The following GARS1 variants were observed in gnomAD, a reference collection of about 807,000 sequenced individuals.
The protein encoded by GARS1 is glycyl-tRNA synthetase 1.
A neutral mutation model predicts 86.4 loss-of-function variants in GARS1; 46 were observed. That is an observed-to-expected ratio of 0.53 (90% CI 0.42 to 0.68). GARS1 has a LOEUF of 0.68. GARS1 is among the 30% of genes least tolerant of loss of function. The pLI is 0.00. For missense variants in GARS1, 797 were observed against 915.6 expected, an observed-to-expected ratio of 0.87 and a Z score of 1.67; for synonymous variants, 342 against 329.8, an observed-to-expected ratio of 1.04 and a Z score of -0.40.
At chr7:30,603,876 T>C (rs1319607526) in intron 6 of GARS1, among the ~76,000 whole-genome samples, 1 of 152,214 alleles carries the variant, frequency 6.6e-6, no homozygotes, top group African/African-American at 2.4e-5. Flanking sequence ...TGATGGGTAG[T>C]GTTCAGCACT....
chr7:30,603,474 T>C (rs1287622182), intron 5 of GARS1, 22 bp from the exon 6 acceptor site: 2 of 1,588,520 alleles, frequency 1.3e-6, no homozygotes, highest in South Asian at 1.1e-5. Flanking sequence ...TTGATTGATA[T>C]ATGTCAACAC....
chr7:30,604,253 A>G (rs984489367), intron 6 of GARS1, among the ~76,000 whole-genome samples: 1 of 152,174 alleles, frequency 6.6e-6, no homozygotes, highest in African/African-American at 2.4e-5. Context: ...GTGCTCATGT[A>G]TATATGTTGC....
intron 1 of GARS1, among the ~76,000 whole-genome samples, chr7:30,597,405 G>A (rs1791274285): frequency 6.6e-6 from 1 of 152,168 alleles, no homozygotes; most frequent in African/African-American, 2.4e-5. Context: ...TAGTATCAAA[G>A]AATATCCACA....
chr7:30,599,028 C>T lies in GARS1; in HGVS notation c.324+131C>T. The T allele has an allele frequency of 5.5e-6, 4 of 732,624 alleles. No homozygotes were observed. The South Asian group carries it at 6.0e-5, about 11-fold the overall frequency. The allele number at this position is 732,624 out of a possible 1,614,324, so 45.4% of individuals were successfully genotyped here. ...TTGGTTTATCTGTTTATCCATAATG[C>T]CGCCTTCTCCTTTCCCTCTACCTGG... On this transcript the variant is annotated intron_variant, in intron 2 of 16. Transcript: ENST00000389266.
intron 8 of GARS1, among the ~76,000 whole-genome samples, chr7:30,614,549 A>G (rs573134285): frequency 5.8e-4 from 88 of 152,316 alleles, no homozygotes; most frequent in Middle Eastern, 3.4e-3. Flanking sequence ...GCAGGACCAA[A>G]TAAGAGACAC....
At chr7:30,620,705 C>G (rs1019352412) in intron 10 of GARS1, among the ~76,000 whole-genome samples, 1 of 152,160 alleles carries the variant, frequency 6.6e-6, no homozygotes, top group Admixed American at 6.5e-5. Flanking sequence ...GTGACCTGAA[C>G]TTTACCCACT....
chr7:30,617,754 A>G (rs1354200466), intron 10 of GARS1, among the ~76,000 whole-genome samples: 2 of 152,204 alleles, frequency 1.3e-5, no homozygotes, highest in Non-Finnish European at 2.9e-5. Context: ...TTATGTATTT[A>G]ACTCAAAATT....
intron 8 of GARS1, among the ~76,000 whole-genome samples, 165 bp downstream of exon 8, chr7:30,612,410 C>G (rs943789851): frequency 3.9e-5 from 6 of 152,080 alleles, no homozygotes; most frequent in Middle Eastern, 3.2e-3. Flanking sequence ...AATGTAATCT[C>G]CAGGATGACA....
Position 30,617,252 on chromosome 7 carries a change from T to C in GARS1, c.1333T>C (p.Trp445Arg). 1 of 1,613,950 alleles carries C rather than the reference T, an allele frequency of 6.2e-7. No homozygotes were observed. Among genetic ancestry groups the C allele is most frequent in the East Asian group, 2.2e-5 (1 of 44,880 alleles). ...NEMAHYACDC[W>R]DAESKTSYGW... ...GATGGCCCATTATGCCTGTGACTGT[T>C]GGGATGCAGAATCCAAAACATCCTA... The change falls in exon 10 of 17, where the codon TGG becomes CGG. Residue 445 changes from tryptophan (W) to arginine (R), a missense_variant. Physicochemically the swap from Trp to Arg is moderately radical, Grantham distance 101. Around this residue, in one of 2 missense-constraint regions of GARS1, gnomAD observed 598 missense variants for 738.7 expected, o/e 0.81. Transcript: ENST00000389266.
intron 6 of GARS1, among the ~76,000 whole-genome samples, chr7:30,603,900 C>T (rs1026330600): frequency 2.0e-5 from 3 of 152,086 alleles, no homozygotes; most frequent in Non-Finnish European, 2.9e-5. Context: ...GTGGAGACTT[C>T]GGGGCAGATA....
intron 12 of GARS1, among the ~76,000 whole-genome samples, chr7:30,624,018 G>A (rs758438396): frequency 4.6e-5 from 7 of 152,258 alleles, no homozygotes; most frequent in South Asian, 2.1e-4. Flanking sequence ...TTCAACCTGC[G>A]GCCTGCAGGC....
Position 30,631,482 on chromosome 7 carries a change from A to G in GARS1, c.1844A>G (p.Lys615Arg), listed in dbSNP as rs1297164565. Reference sequence around the variant, plus strand: ...TTCCCTGCTGTAGTTGCTCCATTCAAATGTTCCGTCCTCCCACTGAGCCAA... The same window carrying G: ...TTCCCTGCTGTAGTTGCTCCATTCAGATGTTCCGTCCTCCCACTGAGCCAA... ...FSFPAVVAPF[K>R]CSVLPLSQNQ... Residue 615 changes from lysine to arginine, a missense_variant, in exon 15 of 17, where the codon AAA (lysine) becomes AGA (arginine). Lys to Arg is a conservative substitution (Grantham distance 26, BLOSUM62 2). Around this residue, in one of 2 missense-constraint regions of GARS1, gnomAD observed 598 missense variants for 738.7 expected, o/e 0.81. Coordinates refer to ENST00000389266, the MANE Select transcript of GARS1 (RefSeq NM_002047.4). 2.5e-6 allele frequency: 4 copies of G among 1,613,740 alleles called. No homozygotes were observed. Among genetic ancestry groups the G allele is most frequent in the Non-Finnish European group, 3.4e-6 (4 of 1,179,780 alleles).
intron 7 of GARS1, among the ~76,000 whole-genome samples, chr7:30,611,416 C>T (rs1791595038): frequency 6.6e-6 from 1 of 152,226 alleles, no homozygotes; most frequent in South Asian, 2.1e-4. Context: ...AGATTGTCAT[C>T]TGCCTCCATG....
chr7:30,627,482 T>A (rs1228258971), intron 13 of GARS1, among the ~76,000 whole-genome samples: 2 of 152,240 alleles, frequency 1.3e-5, no homozygotes, highest in African/African-American at 4.8e-5. Context: ...ACCAATGATC[T>A]CATTTCCCAA....
intron 7 of GARS1, among the ~76,000 whole-genome samples, chr7:30,611,831 G>A (rs991011929): frequency 1.3e-5 from 2 of 152,134 alleles, no homozygotes; most frequent in Non-Finnish European, 2.9e-5. Flanking sequence ...TTTGAGAAGT[G>A]GGGTTTTGAC....
At chr7:30,595,799 G>A (rs893823102) in intron 1 of GARS1, 3 of 470,998 alleles carry the variant, frequency 6.4e-6, no homozygotes, top group Non-Finnish European at 1.3e-5. Context: ...CTTTGCTCTT[G>A]TCATCTTTTC....
rs1783176778 is a variant in GARS1 at position 30,628,657 on chromosome 7, T to TGAACAGA, written c.1804_1809+1dup. 6.2e-7 allele frequency: 1 copy of TGAACAGA among 1,607,226 alleles called. No homozygotes were observed. Among genetic ancestry groups the TGAACAGA allele is most frequent in the Admixed American group, 1.7e-5 (1 of 59,954 alleles). ...ATACATTCCATGTACGAGAAGGAGA[T>TGAACAGA]GAACAGAGAACAGTAAGTTGTTGTG... On this transcript the variant is annotated frameshift_variant, in exon 14 of 17. Coordinates refer to ENST00000389266, the MANE Select transcript of GARS1 (RefSeq NM_002047.4). LOFTEE classifies it high-confidence loss of function.
At chr7:30,608,384 A>G (rs757634102) in intron 6 of GARS1, among the ~76,000 whole-genome samples, 1 of 152,174 alleles carries the variant, frequency 6.6e-6, no homozygotes, top group African/African-American at 2.4e-5. Context: ...GATGTTCCTC[A>G]GGCTCTTTAA....
At chr7:30,633,480 T>C (rs1490483910) in intron 16 of GARS1, among the ~76,000 whole-genome samples, 1 of 152,236 alleles carries the variant, frequency 6.6e-6, no homozygotes, top group Non-Finnish European at 1.5e-5. Context: ...GAGTCCTGTT[T>C]GTTCTAATAG....
Sources: allele counts gnomAD v4.1 joint callset (sites outside exome capture counted in the v4.1 genomes callset), GRCh38; gene constraint gnomAD v4.1.1; regional missense constraint gnomAD v4.1.1; transcripts MANE v1.5; gene names NCBI Gene and HGNC (gene_info 2026-07-23, HGNC 2026-07-21).